The following CTIF variants were observed in gnomAD, a reference collection of about 807,000 sequenced individuals.
CTIF encodes cap binding complex dependent translation initiation factor.
Under a neutral mutation model 66.0 loss-of-function variants are expected in CTIF, and 21 were observed. The observed-to-expected ratio is 0.32, with a 90% CI of 0.23 to 0.46. The LOEUF is 0.46. Ranked by LOEUF, CTIF falls within the 20% of genes least tolerant of loss-of-function variation. The pLI, the probability that CTIF is intolerant of heterozygous loss-of-function variation, is 1.00. For synonymous variants in CTIF, 345 were observed against 326.4 expected (o/e 1.06, Z -0.62); for missense variants, 739 against 812.7 (o/e 0.91, Z 1.10).
chr18:48,725,118 G>A (rs1316068884), intron 7 of CTIF, among the ~76,000 whole-genome samples: 10 of 152,238 alleles, frequency 6.6e-5, no homozygotes, highest in Admixed American at 3.9e-4. Flanking sequence ...CAGCAAACAC[G>A]TGTTCCAGAC....
intron 10 of CTIF, among the ~76,000 whole-genome samples, chr18:48,830,348 G>A (rs67481327): frequency 0.15 from 22,528 of 152,080 alleles, 2,028 homozygotes; most frequent in Admixed American, 0.22. Context: ...ATTTTTAGTA[G>A]AGACGGGGTT....
At chr18:48,858,491 T>G (rs1420542558) in intron 11 of CTIF, among the ~76,000 whole-genome samples, 1 of 152,132 alleles carries the variant, frequency 6.6e-6, no homozygotes, top group Non-Finnish European at 1.5e-5. Flanking sequence ...ATAGAATAAG[T>G]GTAAGTACAG....
intron 7 of CTIF, among the ~76,000 whole-genome samples, chr18:48,714,617 G>T (rs1029890242): frequency 6.6e-6 from 1 of 152,212 alleles, no homozygotes; most frequent in African/African-American, 2.4e-5. Flanking sequence ...CTTCATCAAA[G>T]TCTGTGTCCC....
At chr18:48,716,946 C>T (rs1012246333) in intron 7 of CTIF, among the ~76,000 whole-genome samples, 4 of 152,188 alleles carry the variant, frequency 2.6e-5, no homozygotes, top group African/African-American at 7.2e-5. Context: ...CAGATGGCTC[C>T]GCAGGACTAG....
At chr18:48,850,368 G>A (rs1568268649) in intron 10 of CTIF, among the ~76,000 whole-genome samples, 1 of 152,134 alleles carries the variant, frequency 6.6e-6, no homozygotes, top group Non-Finnish European at 1.5e-5. Context: ...TTTGAGATCT[G>A]TGTTTGAGCT....
At chr18:48,604,884 C>A (rs1378461734) in intron 1 of CTIF, among the ~76,000 whole-genome samples, 1 of 152,174 alleles carries the variant, frequency 6.6e-6, no homozygotes, top group Non-Finnish European at 1.5e-5. Context: ...CTTATGTGAT[C>A]TTCTGTGACT....
At chr18:48,541,197 G>C (rs1292110508) in intron 1 of CTIF, among the ~76,000 whole-genome samples, 2 of 152,108 alleles carry the variant, frequency 1.3e-5, no homozygotes, top group South Asian at 2.1e-4. Context: ...TCTGGGGACA[G>C]TGGGAGCCCA....
chr18:48,720,449 A>G (rs1419461497), intron 7 of CTIF, among the ~76,000 whole-genome samples: 1 of 152,112 alleles, frequency 6.6e-6, no homozygotes, highest in East Asian at 1.9e-4. Context: ...CGCGAGACAG[A>G]TCTATGCTCA....
At chr18:48,734,468 A>C (rs2092482169) in intron 7 of CTIF, among the ~76,000 whole-genome samples, 1 of 152,214 alleles carries the variant, frequency 6.6e-6, no homozygotes, top group South Asian at 2.1e-4. Flanking sequence ...CGGGAGGCTG[A>C]GGCAGGAGAA....
intron 1 of CTIF, among the ~76,000 whole-genome samples, chr18:48,551,497 T>C (rs2088880236): frequency 6.6e-6 from 1 of 152,194 alleles, no homozygotes; most frequent in Non-Finnish European, 1.5e-5. Flanking sequence ...TCCTCTGTTA[T>C]GGCAGCCATG....
intron 9 of CTIF, among the ~76,000 whole-genome samples, chr18:48,775,342 C>A (rs1910568688): frequency 6.6e-6 from 1 of 152,284 alleles, no homozygotes; most frequent in Non-Finnish European, 1.5e-5. Context: ...AATTTCATAG[C>A]AGCATGTTTT....
At chr18:48,613,473 C>T (rs984381625) in intron 1 of CTIF, among the ~76,000 whole-genome samples, 3 of 151,902 alleles carry the variant, frequency 2.0e-5, no homozygotes, top group Admixed American at 6.6e-5. Flanking sequence ...GGGAGGAAGG[C>T]GAAGGGGAGT....
At chr18:48,646,940 A>G (rs1166653749) in intron 3 of CTIF, among the ~76,000 whole-genome samples, 2 of 147,802 alleles carry the variant, frequency 1.4e-5, no homozygotes, top group African/African-American at 4.9e-5. Context: ...ACCTGCAAGT[A>G]CCATATGATT....
At chr18:48,623,873 A>G (rs55637325) in intron 2 of CTIF, among the ~76,000 whole-genome samples, 1 of 150,932 alleles carries the variant, frequency 6.6e-6, no homozygotes, top group Non-Finnish European at 1.5e-5. Flanking sequence ...GGATGGATGG[A>G]TGGCTGGCTG....
In CTIF at chr18:48,761,771, G is replaced by A; in HGVS notation, c.1371+82G>A. 1 of 1,374,868 alleles carries A rather than the reference G, an allele frequency of 7.3e-7. No homozygotes were observed. The highest frequency in any genetic ancestry group is 1.0e-6 in the Non-Finnish European group (1 of 1,003,006). 85.2% of individuals were successfully genotyped at this position (1,374,868 alleles called of 1,614,324 possible). A position where few individuals can be genotyped will look rare whatever the true frequency, so the allele number is the denominator to read the frequency against. On this transcript the variant is annotated intron_variant, in intron 9 of 11. Coordinates refer to ENST00000256413, the MANE Select transcript of CTIF (RefSeq NM_014772.3). This position sits in a 1 kb window ranked among gnomAD's most constrained non-coding sequence, Gnocchi z 4.2. Reference sequence around the variant, plus strand: ...GTTATTCCTAGCGAGAAGGCTGCGAGTTCTGGCCACAGTTGGACTTTTCCC... The same window carrying A: ...GTTATTCCTAGCGAGAAGGCTGCGAATTCTGGCCACAGTTGGACTTTTCCC...
intron 1 of CTIF, among the ~76,000 whole-genome samples, chr18:48,596,570 C>A (rs1283981538): frequency 6.6e-6 from 1 of 151,936 alleles, no homozygotes; most frequent in East Asian, 1.9e-4. Flanking sequence ...CTCTGCCTCC[C>A]GGGTTCAAAC....
chr18:48,845,551 T>G lies in CTIF; in HGVS notation c.1528-12037T>G, dbSNP rs540374761. Among the ~76,000 whole-genome samples, 64 of 152,252 alleles carry G rather than the reference T, an allele frequency of 4.2e-4. 1 individual carries two copies. In the South Asian group the frequency reaches 0.013, roughly 31 times the overall value. ...CTCTCACCCTTTAGGCATTGCTGTG[T>G]TCAGGTTGGGAGCCCCTGCCGTCTT... is the stretch of plus-strand genomic sequence containing the variant. On this transcript the variant is annotated intron_variant, in intron 10 of 11. Transcript: ENST00000256413.
intron 8 of CTIF, 121 bp downstream of exon 8, chr18:48,758,526 A>C: frequency 1.6e-6 from 2 of 1,252,024 alleles, no homozygotes; most frequent in Non-Finnish European, 2.2e-6. Flanking sequence ...AGCCATGTAC[A>C]GGGAAGCAGG....
intron 10 of CTIF, among the ~76,000 whole-genome samples, chr18:48,830,273 C>T (rs1217842552): frequency 6.6e-6 from 1 of 152,200 alleles, no homozygotes; most frequent in Non-Finnish European, 1.5e-5. Flanking sequence ...CAAGGATTCT[C>T]CTGCCTCAGC....
Sources: gnomAD v4.1 joint callset for allele counts (sites outside exome capture counted in the v4.1 genomes callset) on GRCh38, gnomAD v4.1.1 for gene constraint, Gnocchi (gnomAD v3.1) non-coding constraint, MANE v1.5 for transcripts, NCBI Gene and HGNC (gene_info 2026-07-23, HGNC 2026-07-21) for gene names.